The following FOXP1 variants were observed in gnomAD, a reference collection of about 807,000 sequenced individuals.
FOXP1 encodes the protein forkhead box P1, also known as forkhead box protein P1.
A neutral mutation model predicts 98.2 loss-of-function variants in FOXP1; 15 were observed. That is an observed-to-expected ratio of 0.15 (90% CI 0.10 to 0.24). The LOEUF is 0.24. FOXP1 is among the 10% of genes least tolerant of loss of function. The pLI, the probability that FOXP1 is intolerant of heterozygous loss-of-function variation, is 1.00. For synonymous variants in FOXP1, 371 were observed against 314.5 expected, an observed-to-expected ratio of 1.18 and a Z score of -1.90; for missense variants, 633 against 848.5, an observed-to-expected ratio of 0.75 and a Z score of 3.15.
intron 3 of FOXP1, among the ~76,000 whole-genome samples, chr3:71,470,647 G>A (rs960440919): frequency 1.3e-5 from 2 of 152,148 alleles, no homozygotes; most frequent in African/African-American, 2.4e-5. Context: ...GCTGAGGCAC[G>A]AGAATTGCTT....
At chr3:71,330,650 A>T (rs1032133583) in intron 4 of FOXP1, among the ~76,000 whole-genome samples, 1 of 152,228 alleles carries the variant, frequency 6.6e-6, no homozygotes, top group Admixed American at 6.5e-5. Flanking sequence ...AGTGCCCAAT[A>T]ATAGTAGATT....
intron 7 of FOXP1, among the ~76,000 whole-genome samples, chr3:71,058,751 G>A (rs1483060419): frequency 6.6e-6 from 1 of 151,848 alleles, no homozygotes; most frequent in Non-Finnish European, 1.5e-5. Flanking sequence ...AGATGTATTG[G>A]CAAACAGAAA....
Position 71,061,420 on chromosome 3 carries a change from T to G in FOXP1, c.283-7647A>C, listed in dbSNP as rs144590263. On this transcript the variant is annotated intron_variant, in intron 7 of 20. Coordinates refer to ENST00000649528, the MANE Select transcript of FOXP1 (RefSeq NM_001349338.3). ...CACAAGACAGCATTCTCAACTTTTT[T>G]ATGTAGGCAGTTCCTTCTACTCAAG... Among the ~76,000 whole-genome samples, 338 of 152,250 alleles carry G rather than the reference T, an allele frequency of 2.2e-3. 2 individuals carry two copies. Among genetic ancestry groups the G allele is most frequent in the African/African-American group, 7.7e-3 (318 of 41,560 alleles).
intron 7 of FOXP1, among the ~76,000 whole-genome samples, chr3:71,055,797 C>T (rs1194311446): frequency 6.6e-6 from 1 of 152,154 alleles, no homozygotes; most frequent in African/African-American, 2.4e-5. Context: ...TTTGATTAAG[C>T]AAACAAAAGA....
intron 3 of FOXP1, among the ~76,000 whole-genome samples, chr3:71,439,482 G>A (rs1185211833): frequency 5.3e-5 from 8 of 152,238 alleles, no homozygotes; most frequent in Admixed American, 4.6e-4. Context: ...TTCCACTACT[G>A]GGAATATTCC....
chr3:71,066,836 G>C (rs1314745823), intron 7 of FOXP1, among the ~76,000 whole-genome samples: 4 of 152,200 alleles, frequency 2.6e-5, no homozygotes, highest in Non-Finnish European at 5.9e-5. Flanking sequence ...TCCTTAGCAG[G>C]TCAGTGTTTA....
chr3:71,439,913 A>T (rs940547569), intron 3 of FOXP1, among the ~76,000 whole-genome samples: 1 of 146,950 alleles, frequency 6.8e-6, no homozygotes, highest in Admixed American at 6.9e-5. Context: ...ACCATTGCAC[A>T]CTCCAGCCTG....
chr3:71,394,828 C>T (rs989070589), intron 3 of FOXP1, among the ~76,000 whole-genome samples: 8 of 152,180 alleles, frequency 5.3e-5, no homozygotes, highest in East Asian at 1.9e-4. Flanking sequence ...AGGCTGGGCG[C>T]GGTGGCTAAC....
chr3:71,295,185 G>GT (rs1317349929), intron 5 of FOXP1, among the ~76,000 whole-genome samples: 1 of 152,154 alleles, frequency 6.6e-6, no homozygotes, highest in Non-Finnish European at 1.5e-5. Context: ...TGGTAACTCA[G>GT]TAACGACTGC....
intron 3 of FOXP1, among the ~76,000 whole-genome samples, chr3:71,485,748 C>T (rs1337061832): frequency 6.7e-6 from 1 of 148,760 alleles, no homozygotes; most frequent in Non-Finnish European, 1.5e-5. Flanking sequence ...TCCACTCCAG[C>T]TTAGACAACA....
chr3:71,180,884 G>T (rs765521813), intron 6 of FOXP1, among the ~76,000 whole-genome samples: 5 of 152,166 alleles, frequency 3.3e-5, no homozygotes, highest in Non-Finnish European at 5.9e-5. Flanking sequence ...AAACATTTGT[G>T]TGTGGGGCCC....
intron 7 of FOXP1, among the ~76,000 whole-genome samples, chr3:71,080,841 G>C (rs186581955): frequency 6.6e-6 from 1 of 152,314 alleles, no homozygotes; most frequent in Non-Finnish European, 1.5e-5. Context: ...ATCAAAGAAA[G>C]TCTTACCATC....
intron 5 of FOXP1, among the ~76,000 whole-genome samples, chr3:71,260,366 T>C (rs1027780720): frequency 3.3e-5 from 5 of 152,178 alleles, no homozygotes; most frequent in Non-Finnish European, 7.3e-5. Flanking sequence ...TTTTACCCTT[T>C]TGGCCATGTT....
Position 71,317,919 on chromosome 3 carries a change from T to C in FOXP1, c.-72-18039A>G, listed in dbSNP as rs556879942. 2.2e-4 allele frequency among the ~76,000 whole-genome samples: 34 copies of C among 152,342 alleles called. 1 individual carries two copies. In the South Asian group the frequency reaches 6.8e-3, roughly 31 times the overall value. On this transcript the variant is annotated intron_variant, in intron 4 of 20. Transcript: ENST00000649528. ...CAAGAACAGCTTAGTTTACATACTT[T>C]TCAGTCACAGCTGCTGCTCCAAAAC...
chr3:71,561,213 C>A, intron 2 of FOXP1, among the ~76,000 whole-genome samples: 1 of 151,934 alleles, frequency 6.6e-6, no homozygotes, highest in East Asian at 1.9e-4. Context: ...TGCACCACCA[C>A]GCCCGGCTCA....
At chr3:71,133,754 T>C (rs995272126) in intron 6 of FOXP1, among the ~76,000 whole-genome samples, 4 of 152,164 alleles carry the variant, frequency 2.6e-5, no homozygotes, top group Admixed American at 2.0e-4. Context: ...GGTTATTTGC[T>C]TGACTCTTGG....
intron 4 of FOXP1, among the ~76,000 whole-genome samples, chr3:71,346,371 T>A (rs759360509): frequency 6.6e-6 from 1 of 152,172 alleles, no homozygotes; most frequent in Non-Finnish European, 1.5e-5. Flanking sequence ...GTGGCTGTTT[T>A]TGTTGGGTGG....
chr3:71,561,291 G>A (rs957234856), intron 2 of FOXP1, among the ~76,000 whole-genome samples: 1 of 151,668 alleles, frequency 6.6e-6, no homozygotes, highest in African/African-American at 2.4e-5. Flanking sequence ...CCTGACCTCA[G>A]GTGATCTGCC....
intron 4 of FOXP1, among the ~76,000 whole-genome samples, chr3:71,353,588 C>T (rs959552918): frequency 6.6e-6 from 1 of 152,120 alleles, no homozygotes; most frequent in African/African-American, 2.4e-5. Flanking sequence ...ATATTTTAAT[C>T]ATGTCCTTTT....
Sources: allele counts gnomAD v4.1 joint callset (sites outside exome capture counted in the v4.1 genomes callset), GRCh38; gene constraint gnomAD v4.1.1; transcripts MANE v1.5; gene names NCBI Gene and HGNC (gene_info 2026-07-23, HGNC 2026-07-21).